Variants in USH2A observed in about 807,000 individuals in gnomAD.
The protein encoded by USH2A is Usher syndrome 2A (autosomal recessive, mild).
USH2A carries 443 observed loss-of-function variants against 538.9 expected under a neutral mutation model. The observed-to-expected ratio is 0.82, with a 90% confidence interval of 0.76 to 0.89. The LOEUF (loss-of-function observed/expected upper bound fraction) is 0.89, where lower values mean the gene tolerates loss of function less well. USH2A is among the 40% of genes least tolerant of loss of function. The probability of loss-of-function intolerance (pLI) is 0.00; values close to 1 mark genes in which losing one functional copy is unlikely to be tolerated. For synonymous variants in USH2A, 2,413 were observed against 2,273.5 expected (o/e 1.06, Z -1.75); for missense variants, 6,633 against 6,324.8 (o/e 1.05, Z -1.65).
At chr1:216,080,075 G>A (rs916551123) in intron 26 of USH2A, 2 of 152,054 alleles carry the variant, frequency 1.3e-5, no homozygotes, top group African/African-American at 4.8e-5. Flanking sequence ...AGTTTGAAAT[G>A]CCTATAAAAC....
chr1:215,900,415 A>T (rs1665463014), intron 39 of USH2A, among the ~76,000 whole-genome samples, 198 bp from the exon 40 acceptor site: 1 of 152,152 alleles, frequency 6.6e-6, no homozygotes, highest in Non-Finnish European at 1.5e-5. Flanking sequence ...ACGAGATGTA[A>T]ATCCTAGTAG....
intron 47 of USH2A, among the ~76,000 whole-genome samples, chr1:215,819,295 T>G (rs985151317): frequency 6.6e-6 from 1 of 151,808 alleles, no homozygotes; most frequent in Non-Finnish European, 1.5e-5. Flanking sequence ...GCCAAATTAC[T>G]GGACCCTATC....
chr1:216,285,519 G>A (rs576349238), intron 11 of USH2A, among the ~76,000 whole-genome samples: 32 of 152,340 alleles, frequency 2.1e-4, no homozygotes, highest in African/African-American at 5.5e-4. Flanking sequence ...CCTCTGCTAA[G>A]GTAGTGTGGA....
At chr1:216,261,740 C>T (rs1171966392) in intron 11 of USH2A, among the ~76,000 whole-genome samples, 1 of 152,086 alleles carries the variant, frequency 6.6e-6, no homozygotes, top group African/African-American at 2.4e-5. Context: ...GAACCAGTTC[C>T]AGAACCAGCT....
chr1:215,767,045 T>G (rs144140106), intron 55 of USH2A, among the ~76,000 whole-genome samples: 1 of 152,278 alleles, frequency 6.6e-6, no homozygotes, highest in East Asian at 1.9e-4. Flanking sequence ...ACCCTTCTCT[T>G]GATTCCCTAT....
rs1256648458 is a variant in USH2A at position 216,138,088 on chromosome 1, T to C, written c.4627+37164A>G. Among the ~76,000 whole-genome samples, 26 of 152,194 alleles carry C rather than the reference T, an allele frequency of 1.7e-4. 1 individual carries two copies. The highest frequency in any genetic ancestry group is 7.3e-5 in the Non-Finnish European group (5 of 68,054). On this transcript the variant is annotated intron_variant, in intron 21 of 71. Transcript: ENST00000307340. ...ATTTCTTATGAGATATGGAGAATGA[T>C]ATGATTGTATTGGAATTAGATTGTT...
At chr1:216,295,364 TA>T (rs1286295351) in intron 9 of USH2A, among the ~76,000 whole-genome samples, 4 of 151,098 alleles carry the variant, frequency 2.6e-5, no homozygotes, top group Admixed American at 6.6e-5. Context: ...TAAAGCCAAG[TA>T]AAAAAAAATT....
chr1:216,420,455 T>C (rs2039657532), intron 2 of USH2A, among the ~76,000 whole-genome samples: 1 of 152,108 alleles, frequency 6.6e-6, no homozygotes, highest in Non-Finnish European at 1.5e-5. Flanking sequence ...ACTTATCTAG[T>C]GCAAACACCC....
intron 47 of USH2A, among the ~76,000 whole-genome samples, chr1:215,823,010 T>C (rs1292200411): frequency 6.6e-6 from 1 of 152,094 alleles, no homozygotes; most frequent in Admixed American, 6.6e-5. Context: ...AACACGTTGC[T>C]GTACCTACTA....
Position 216,174,625 on chromosome 1 carries a change from G to T in USH2A, c.4627+627C>A. Reference sequence around the variant, plus strand: ...GTTTTTTAGTGCCTTTAAATTTTGTGACCGAAACAAGAGCCTCACTTGCTT... The same window carrying T: ...GTTTTTTAGTGCCTTTAAATTTTGTTACCGAAACAAGAGCCTCACTTGCTT... On this transcript the variant is annotated intron_variant, in intron 21 of 71. Coordinates refer to ENST00000307340, the MANE Select transcript of USH2A (RefSeq NM_206933.4). 3.0e-6 allele frequency: 3 copies of T among 983,866 alleles called. 1 individual carries two copies. The South Asian group carries it at 1.4e-4, about 46-fold the overall frequency. The allele number at this position is 983,866 out of a possible 1,614,324, so 60.9% of individuals were successfully genotyped here.
intron 16 of USH2A, among the ~76,000 whole-genome samples, chr1:216,202,404 A>G (rs1401503478): frequency 6.6e-6 from 1 of 152,232 alleles, no homozygotes; most frequent in East Asian, 1.9e-4. Context: ...ATATAAGGCA[A>G]TTTATAGTGT....
At chr1:216,015,390 A>G (rs1668683875) in intron 32 of USH2A, among the ~76,000 whole-genome samples, 1 of 152,214 alleles carries the variant, frequency 6.6e-6, no homozygotes, top group African/African-American at 2.4e-5. Context: ...TTTTGATTCC[A>G]GGAGAACCAG....
chr1:216,166,347 T>C (rs1191421122), intron 21 of USH2A, among the ~76,000 whole-genome samples: 1 of 151,962 alleles, frequency 6.6e-6, no homozygotes, highest in Non-Finnish European at 1.5e-5. Context: ...GGTCTAGAGC[T>C]AGAGAGTATA....
At chr1:216,420,139 C>A (rs915687010) in intron 2 of USH2A, among the ~76,000 whole-genome samples, 2 of 151,842 alleles carry the variant, frequency 1.3e-5, no homozygotes, top group Non-Finnish European at 2.9e-5. Context: ...TATCCCTACC[C>A]ATCAGGTCTT....
At chr1:216,403,609 C>T (rs750532324) in intron 3 of USH2A, among the ~76,000 whole-genome samples, 1 of 152,128 alleles carries the variant, frequency 6.6e-6, no homozygotes, top group Non-Finnish European at 1.5e-5. Context: ...AAATTCATAA[C>T]ATTGCTATAT....
intron 37 of USH2A, among the ~76,000 whole-genome samples, chr1:215,953,152 T>C (rs1666966781): frequency 1.3e-5 from 2 of 152,128 alleles, no homozygotes; most frequent in South Asian, 4.2e-4. Flanking sequence ...AGGTAATTTA[T>C]AGATTCAATG....
At chr1:216,121,662 A>C (rs1049670094) in intron 21 of USH2A, among the ~76,000 whole-genome samples, 57 of 152,340 alleles carry the variant, frequency 3.7e-4, no homozygotes, top group African/African-American at 1.2e-3. Flanking sequence ...ACAGAATTAA[A>C]GAGCCAGAGC....
chr1:215,816,192 A>G (rs971896434), intron 48 of USH2A, among the ~76,000 whole-genome samples: 1 of 152,090 alleles, frequency 6.6e-6, no homozygotes, highest in African/African-American at 2.4e-5. Context: ...GTATTTAAAT[A>G]TGTGCATACT....
intron 3 of USH2A, among the ~76,000 whole-genome samples, chr1:216,390,374 TTGAACATAAC>T (rs1358684758): frequency 2.0e-5 from 3 of 152,232 alleles, no homozygotes; most frequent in East Asian, 1.9e-4. Flanking sequence ...ATCTTAAAAA[TTGAACATAAC>T]TGAAAAGTTG....
Sources: gnomAD v4.1 joint callset for allele counts (sites outside exome capture counted in the v4.1 genomes callset) on GRCh38, gnomAD v4.1.1 for gene constraint, MANE v1.5 for transcripts, NCBI Gene and HGNC (gene_info 2026-07-23, HGNC 2026-07-21) for gene names.